The following PAN3 variants were observed in gnomAD, a reference collection of about 807,000 sequenced individuals.
The protein encoded by PAN3 is PAN2-PAN3 deadenylation complex subunit PAN3.
PAN3 carries 19 observed loss-of-function variants against 96.2 expected under a neutral mutation model. The observed-to-expected ratio is 0.20, with a 90% confidence interval of 0.14 to 0.29. The LOEUF (loss-of-function observed/expected upper bound fraction) is 0.29, where lower values mean the gene tolerates loss of function less well. Ranked by LOEUF, PAN3 falls within the 10% of genes least tolerant of loss-of-function variation. The pLI is 1.00. For synonymous variants in PAN3, 433 were observed against 406.6 expected, an observed-to-expected ratio of 1.06 and a Z score of -0.78; for missense variants, 882 against 1,108.1, an observed-to-expected ratio of 0.80 and a Z score of 2.90.
At chr13:28,151,961 C>T (rs567058922) in intron 1 of PAN3, among the ~76,000 whole-genome samples, 41 of 152,212 alleles carry the variant, frequency 2.7e-4, no homozygotes, top group Non-Finnish European at 5.1e-4. Flanking sequence ...GTATACTTGG[C>T]ATTTAAAATC....
chr13:28,278,188 C>G (rs1887208470), intron 15 of PAN3, among the ~76,000 whole-genome samples: 1 of 152,288 alleles, frequency 6.6e-6, no homozygotes, highest in South Asian at 2.1e-4. Flanking sequence ...TGGACCAGCC[C>G]TGGGGTATGA....
chr13:28,233,313 C>T (rs577362781), intron 6 of PAN3, among the ~76,000 whole-genome samples: 1 of 149,864 alleles, frequency 6.7e-6, no homozygotes, highest in Admixed American at 6.7e-5. Flanking sequence ...ATTGCCCAGG[C>T]TGGAGTGCAG....
intron 5 of PAN3, among the ~76,000 whole-genome samples, chr13:28,206,721 T>C (rs1879410851): frequency 6.6e-6 from 1 of 151,088 alleles, no homozygotes; most frequent in Admixed American, 6.6e-5. Context: ...TCTTAGCTCT[T>C]AGATTGTTAT....
At chr13:28,189,782 T>G (rs1342333355) in intron 4 of PAN3, among the ~76,000 whole-genome samples, 3 of 152,190 alleles carry the variant, frequency 2.0e-5, no homozygotes, top group Admixed American at 2.0e-4. Context: ...CACAGATTCT[T>G]AGACCTCGCT....
At position 28,211,657 on chromosome 13, in the gene PAN3, C is replaced by A. The variant is rs1408244; in HGVS notation, c.853-8574C>A. The stretch of plus-strand genomic sequence containing the variant: ...TATATATTGATAAAGTCAAAAAATT[C>A]CTTAATATTTTCAAAACATTACCAC... On this transcript the variant is annotated intron_variant, in intron 5 of 18. Coordinates refer to ENST00000380958, the MANE Select transcript of PAN3 (RefSeq NM_175854.8). Among the ~76,000 whole-genome samples the A allele has an allele frequency of 5.0e-3, 757 of 152,218 alleles. 3 individuals are homozygous for A. Among genetic ancestry groups the A allele is most frequent in the African/African-American group, 0.016 (667 of 41,528 alleles).
intron 6 of PAN3, among the ~76,000 whole-genome samples, chr13:28,252,276 A>G (rs1340020037): frequency 6.9e-6 from 1 of 145,952 alleles, no homozygotes; most frequent in African/African-American, 2.6e-5. Flanking sequence ...TGTTCATAAC[A>G]TTGGTAGGGG....
intron 1 of PAN3, among the ~76,000 whole-genome samples, chr13:28,166,476 A>G (rs1281617335): frequency 1.3e-5 from 2 of 152,194 alleles, no homozygotes; most frequent in Non-Finnish European, 2.9e-5. Flanking sequence ...GCAACCCTTA[A>G]TGCAACTCTC....
intron 5 of PAN3, chr13:28,215,132 T>A: frequency 1.3e-6 from 1 of 758,650 alleles, no homozygotes; most frequent in Non-Finnish European, 2.4e-6. Flanking sequence ...AGCCAAGTGC[T>A]AACATGCCTT....
intron 6 of PAN3, among the ~76,000 whole-genome samples, chr13:28,235,239 T>C (rs918871767): frequency 2.8e-4 from 42 of 152,252 alleles, no homozygotes; most frequent in African/African-American, 8.7e-4. Context: ...GTGTCACTTA[T>C]AAAAAAAGGC....
chr13:28,174,428 G>T, intron 2 of PAN3, 35 bp downstream of exon 2: 1 of 1,600,766 alleles, frequency 6.2e-7, no homozygotes, highest in South Asian at 1.1e-5. Context: ...GCACTATGAA[G>T]TTTATTCTAG....
chr13:28,159,828 T>G (rs1872682129), intron 1 of PAN3, among the ~76,000 whole-genome samples: 1 of 152,082 alleles, frequency 6.6e-6, no homozygotes, highest in Admixed American at 6.5e-5. Context: ...GTGCATATTA[T>G]CTGGGTGACA....
chr13:28,150,007 T>C (rs1332186357), intron 1 of PAN3, among the ~76,000 whole-genome samples: 1 of 152,226 alleles, frequency 6.6e-6, no homozygotes, highest in African/African-American at 2.4e-5. Flanking sequence ...GAAAGGACTT[T>C]ATATATCTTT....
chr13:28,288,489 A>G (rs529279430), intron 18 of PAN3, among the ~76,000 whole-genome samples: 8 of 152,210 alleles, frequency 5.3e-5, no homozygotes, highest in African/African-American at 1.9e-4. Context: ...ACAAGGTTTC[A>G]CCATGTTGGC....
At position 28,222,610 on chromosome 13, in the gene PAN3, C is replaced by G. The variant is rs540839948; in HGVS notation, c.1000+2232C>G. On this transcript the variant is annotated intron_variant, in intron 6 of 18. Transcript: ENST00000380958. Reference sequence around the variant, plus strand: ...AGCAAAGAAAAAATATTTAAGTCTGCCTTTCGGAAAAACCATTGTACTCTC... The same window carrying G: ...AGCAAAGAAAAAATATTTAAGTCTGGCTTTCGGAAAAACCATTGTACTCTC... 1.5e-3 allele frequency among the ~76,000 whole-genome samples: 228 copies of G among 152,176 alleles called. 1 individual carries two copies. The highest frequency in any genetic ancestry group is 5.3e-3 in the African/African-American group (222 of 41,538).
chr13:28,266,706 T>C lies in PAN3; in HGVS notation c.1412-9T>C, dbSNP rs771103403. 2 of 1,535,580 alleles carry C rather than the reference T, an allele frequency of 1.3e-6. No individual in the cohort carries two copies. The highest frequency in any genetic ancestry group is 4.4e-5 in the Admixed American group (2 of 45,322). ...TATTTTCAAGTCATCTTCTTATGAATTACTCTAGCAGTTCCTACAGAGGTT... is the reference window on the plus strand; with the variant it reads ...TATTTTCAAGTCATCTTCTTATGAACTACTCTAGCAGTTCCTACAGAGGTT... On this transcript the variant is annotated splice_polypyrimidine_tract_variant and intron_variant, in intron 9 of 18. Transcript: ENST00000380958.
chr13:28,260,695 T>A, intron 8 of PAN3, 144 bp downstream of exon 8: 1 of 650,998 alleles, frequency 1.5e-6, no homozygotes. Flanking sequence ...TTTTAATTGG[T>A]ATTTTTTTTA....
chr13:28,177,584 C>T (rs1875199307), intron 3 of PAN3, among the ~76,000 whole-genome samples: 1 of 152,014 alleles, frequency 6.6e-6, no homozygotes. Context: ...AACACACTCA[C>T]AATAGTATGG....
At chr13:28,248,708 A>G (rs1434212693) in intron 6 of PAN3, among the ~76,000 whole-genome samples, 2 of 152,158 alleles carry the variant, frequency 1.3e-5, no homozygotes, top group African/African-American at 4.8e-5. Flanking sequence ...TTTTTAGTAG[A>G]GATGGGGTTT....
intron 1 of PAN3, among the ~76,000 whole-genome samples, chr13:28,146,899 C>T (rs551822412): frequency 3.3e-5 from 5 of 151,868 alleles, no homozygotes; most frequent in South Asian, 2.1e-4. Flanking sequence ...TGCTTGAACC[C>T]GGGAGGCAGA....
Sources: allele counts gnomAD v4.1 joint callset (sites outside exome capture counted in the v4.1 genomes callset), GRCh38; gene constraint gnomAD v4.1.1; transcripts MANE v1.5; gene names NCBI Gene and HGNC (gene_info 2026-07-23, HGNC 2026-07-21).